LAMA4: variants seen among roughly 807,000 people sequenced by gnomAD.
The protein encoded by LAMA4 is laminin subunit alpha-4.
A neutral mutation model predicts 207.1 loss-of-function variants in LAMA4; 127 were observed. The observed-to-expected ratio is 0.61, with a 90% confidence interval of 0.53 to 0.71. LAMA4 has a LOEUF of 0.71. Among genes scored for constraint, LAMA4 ranks in the 30% least tolerant of loss-of-function variants. The pLI is 0.00. For missense variants in LAMA4, 2,093 were observed against 2,246.5 expected (o/e 0.93, Z 1.38); for synonymous variants, 761 against 816.0 (o/e 0.93, Z 1.15).
At chr6:112,124,818 G>A (rs587740233) in intron 31 of LAMA4, among the ~76,000 whole-genome samples, 78 of 151,036 alleles carry the variant, frequency 5.2e-4, no homozygotes, top group Middle Eastern at 3.4e-3. Flanking sequence ...GTGCAGTGGC[G>A]CGATGTCAGC....
At chr6:112,177,029 G>T (rs1252299477) in intron 10 of LAMA4, among the ~76,000 whole-genome samples, 12 of 152,124 alleles carry the variant, frequency 7.9e-5, no homozygotes, top group African/African-American at 2.9e-4. Context: ...GCCTAAAGAG[G>T]CATTTATTTC....
At chr6:112,128,332 G>A (rs982687802) in intron 31 of LAMA4, among the ~76,000 whole-genome samples, 1 of 152,056 alleles carries the variant, frequency 6.6e-6, no homozygotes, top group Non-Finnish European at 1.5e-5. Flanking sequence ...AATAAGGCAG[G>A]CACAGAAAGA....
intron 3 of LAMA4, among the ~76,000 whole-genome samples, chr6:112,211,777 A>AG (rs1784366857): frequency 6.6e-6 from 1 of 152,234 alleles, no homozygotes; most frequent in Admixed American, 6.5e-5. Context: ...AGAGTGAAAG[A>AG]ACAAAGTATG....
chr6:112,112,637 G>A (rs1396779352), intron 38 of LAMA4, among the ~76,000 whole-genome samples: 3 of 150,300 alleles, frequency 2.0e-5, no homozygotes, highest in African/African-American at 7.5e-5. Flanking sequence ...CTGGGGAATG[G>A]AGAGGGGAGT....
chr6:112,120,472 T>A lies in LAMA4; in HGVS notation c.4476A>T (p.Lys1492Asn). 1 of 1,610,648 alleles carries A rather than the reference T, an allele frequency of 6.2e-7. No homozygotes were observed. The highest frequency in any genetic ancestry group is 8.5e-7 in the Non-Finnish European group (1 of 1,176,994). Residue 1492 changes from lysine (K) to asparagine (N), a missense_variant and splice_region_variant, in exon 33 of 39, where the codon AAA becomes AAT. Lys to Asn is a moderately conservative substitution (Grantham distance 94). Coordinates refer to ENST00000230538, the MANE Select transcript of LAMA4 (RefSeq NM_001105206.3). Reference sequence around the variant, plus strand: ...TTCTCAGACGAATGGAAAACTGAGATCTGGTAAATGAAAAGAAAGGGATTA... The same window carrying A: ...TTCTCAGACGAATGGAAAACTGAGAACTGGTAAATGAAAAGAAAGGGATTA... Reference protein sequence around the residue: ...FEHLKGDFGAKSQFSIRLRTR... With the variant: ...FEHLKGDFGANSQFSIRLRTR...
chr6:112,170,247 C>T lies in LAMA4; in HGVS notation c.1551+2364G>A, dbSNP rs138850689. ...TTTTTCTCAGCAATAAACATTACTC[C>T]CTGTGGCTAAGGGCACAGCTGTGGT... On this transcript the variant is annotated intron_variant, in intron 12 of 38. Transcript: ENST00000230538. Among the ~76,000 whole-genome samples the T allele has an allele frequency of 2.0e-3, 299 of 152,254 alleles. 1 individual carries two copies. Among genetic ancestry groups the T allele is most frequent in the African/African-American group, 6.6e-3 (275 of 41,544 alleles).
intron 3 of LAMA4, among the ~76,000 whole-genome samples, chr6:112,210,431 G>A (rs1464509243): frequency 1.3e-5 from 2 of 152,164 alleles, no homozygotes; most frequent in East Asian, 3.9e-4. Context: ...GCTATATCTA[G>A]ATAATCGATT....
intron 9 of LAMA4, 188 bp from the exon 10 acceptor site, chr6:112,178,420 T>C: frequency 1.7e-6 from 1 of 591,878 alleles, no homozygotes; most frequent in South Asian, 2.0e-5. Context: ...AGTTTTACTT[T>C]TAAAAAATTT....
chr6:112,158,620 A>G, intron 14 of LAMA4, 112 bp downstream of exon 14: 1 of 1,113,554 alleles, frequency 9.0e-7, no homozygotes, highest in Non-Finnish European at 1.4e-6. Flanking sequence ...AGCATACCCA[A>G]CCTTAATCAA....
At position 112,155,635 on chromosome 6, in the gene LAMA4, A is replaced by G. The variant is rs782515075; in HGVS notation, c.1889T>C (p.Ile630Thr). The G allele has an allele frequency of 1.2e-6, 2 of 1,613,978 alleles. No homozygotes were observed. The highest frequency in any genetic ancestry group is 2.7e-5 in the African/African-American group (2 of 74,930). The stretch of plus-strand genomic sequence containing the variant: ...ATTGGCTTCACTAACATAATTAACA[A>G]TATTTTCATAGACATTTGATGCATC... ...ALDASNVYENIVNYVSEANET... is the reference protein window; with the variant it reads ...ALDASNVYENTVNYVSEANET... The change falls in exon 15 of 39, where the codon ATT becomes ACT. Residue 630 changes from isoleucine to threonine, a missense_variant. Physicochemically the swap from Ile to Thr is moderately conservative, Grantham distance 89. Coordinates refer to ENST00000230538, the MANE Select transcript of LAMA4 (RefSeq NM_001105206.3).
intron 2 of LAMA4, among the ~76,000 whole-genome samples, chr6:112,229,445 T>C (rs782174775): frequency 6.6e-6 from 1 of 152,238 alleles, no homozygotes; most frequent in Non-Finnish European, 1.5e-5. Flanking sequence ...TTTCAAAAAG[T>C]TGAGTTCAAC....
At chr6:112,181,455 C>T (rs782532630) in intron 9 of LAMA4, among the ~76,000 whole-genome samples, 4 of 152,168 alleles carry the variant, frequency 2.6e-5, no homozygotes, top group Admixed American at 2.0e-4. Context: ...CTCTCTCTGC[C>T]TTACAATGAA....
chr6:112,180,956 G>A (rs1236585380), intron 9 of LAMA4, among the ~76,000 whole-genome samples: 1 of 152,160 alleles, frequency 6.6e-6, no homozygotes, highest in Non-Finnish European at 1.5e-5. Context: ...TCTGCCCTCT[G>A]TGCCATCACA....
At chr6:112,145,641 C>T (rs141691010) in intron 18 of LAMA4, among the ~76,000 whole-genome samples, 2 of 152,236 alleles carry the variant, frequency 1.3e-5, no homozygotes, top group African/African-American at 4.8e-5. Flanking sequence ...TTCTTTCAGC[C>T]ACCCACCCAC....
chr6:112,177,114 C>G (rs2114889934), intron 10 of LAMA4, among the ~76,000 whole-genome samples: 1 of 152,096 alleles, frequency 6.6e-6, no homozygotes, highest in African/African-American at 2.4e-5. Flanking sequence ...CTCTAAAATG[C>G]TATAGAAAAA....
Position 112,117,600 on chromosome 6 carries a change from G to T in LAMA4, c.4981+139C>A. On this transcript the variant is annotated intron_variant, in intron 35 of 38. Transcript: ENST00000230538. This position sits in a 1 kb window ranked among gnomAD's most constrained non-coding sequence, Gnocchi z 4.5. ...GGTTTGGAGTGCAGGAGGGAGAAAG[G>T]TGGTTCTTGTGGGAAGAGGTCATCT... 1 of 778,982 alleles carries T rather than the reference G, an allele frequency of 1.3e-6. No homozygotes were observed. Among genetic ancestry groups the T allele is most frequent in the Non-Finnish European group, 2.2e-6 (1 of 454,806 alleles). 48.3% of individuals were successfully genotyped at this position (778,982 alleles called of 1,614,324 possible).
chr6:112,135,507 C>T (rs1297833242), intron 25 of LAMA4, among the ~76,000 whole-genome samples: 7 of 152,270 alleles, frequency 4.6e-5, no homozygotes, highest in Admixed American at 1.3e-4. Context: ...TCCTACCCTT[C>T]GCATTTTGGT....
intron 11 of LAMA4, among the ~76,000 whole-genome samples, chr6:112,173,704 A>G (rs186871910): frequency 6.6e-6 from 1 of 152,334 alleles, no homozygotes; most frequent in Non-Finnish European, 1.5e-5. Flanking sequence ...ATTTGCCACC[A>G]TAATAAACCT....
At position 112,176,628 on chromosome 6, in the gene LAMA4, A is replaced by T. The variant is rs1782040922; in HGVS notation, c.1190-1148T>A. 3.9e-5 allele frequency among the ~76,000 whole-genome samples: 6 copies of T among 152,352 alleles called. No individual in the cohort carries two copies. The South Asian group carries it at 1.2e-3, about 32-fold the overall frequency. On this transcript the variant is annotated intron_variant, in intron 10 of 38. Transcript: ENST00000230538. ...AGTCTAAAATATTAACCTGCGAAAT[A>T]AACTAAATGTAAATATTTTTTCCTC...
Sources: allele counts gnomAD v4.1 joint callset (sites outside exome capture counted in the v4.1 genomes callset), GRCh38; gene constraint gnomAD v4.1.1; non-coding constraint Gnocchi (gnomAD v3.1); transcripts MANE v1.5; gene names NCBI Gene and HGNC (gene_info 2026-07-23, HGNC 2026-07-21).